The following PPP2R1A variants were observed in gnomAD, a reference collection of about 807,000 sequenced individuals.
PPP2R1A encodes the protein serine/threonine-protein phosphatase 2A 65 kDa regulatory subunit A alpha isoform.
PPP2R1A carries 15 observed loss-of-function variants against 67.1 expected under a neutral mutation model. The ratio of observed to expected loss-of-function variants is 0.22; its 90% confidence interval spans 0.15 to 0.34. The LOEUF (loss-of-function observed/expected upper bound fraction) is 0.34. Ranked by LOEUF, PPP2R1A falls within the 10% of genes least tolerant of loss-of-function variation. The pLI is 1.00. For synonymous variants in PPP2R1A, 337 were observed against 325.0 expected (o/e 1.04, Z -0.40); for missense variants, 369 against 775.0 (o/e 0.48, Z 6.22).
chr19:52,220,632 A>G (rs1978858418), intron 11 of PPP2R1A, among the ~76,000 whole-genome samples: 1 of 152,136 alleles, frequency 6.6e-6, no homozygotes, highest in Admixed American at 6.5e-5. Context: ...CATTGTTTAC[A>G]CTAAGAGAGG....
In PPP2R1A at chr19:52,226,255, C is replaced by G. The variant is rs1221260389; in HGVS notation, c.*274C>G. On this transcript the variant is annotated 3_prime_UTR_variant, in exon 15 of 15. Transcript: ENST00000322088. ...CACGTCAGGGAGAGATGTGAGCATC[C>G]CGGGTCACTGGATCCTGCTGCTGTA... The G allele has an allele frequency of 2.0e-6, 1 of 508,140 alleles. No homozygotes were observed. Among genetic ancestry groups the G allele is most frequent in the Non-Finnish European group, 3.5e-6 (1 of 287,626 alleles). 31.5% of individuals were successfully genotyped at this position (508,140 alleles called of 1,614,324 possible).
chr19:52,215,683 C>G (rs1978523163), intron 6 of PPP2R1A, 96 bp from the exon 7 acceptor site: 3 of 985,396 alleles, frequency 3.0e-6, no homozygotes, highest in African/African-American at 3.2e-5. Context: ...ACGCTCTGTC[C>G]CCTAATTCTG....
chr19:52,190,523 G>A (rs991859766), intron 1 of PPP2R1A, among the ~76,000 whole-genome samples: 2 of 152,240 alleles, frequency 1.3e-5, no homozygotes, highest in African/African-American at 4.8e-5. Context: ...ATGGCCTCTT[G>A]GGGATGTGGG....
chr19:52,226,284 G>A lies in PPP2R1A; in HGVS notation c.*303G>A. The A allele has an allele frequency of 2.2e-6, 1 of 460,822 alleles. No individual in the cohort carries two copies. 28.5% of individuals were successfully genotyped at this position (460,822 alleles called of 1,614,324 possible). A position where few individuals can be genotyped will look rare whatever the true frequency, so the allele number is the denominator to read the frequency against. On this transcript the variant is annotated 3_prime_UTR_variant, in exon 15 of 15. Coordinates refer to ENST00000322088, the MANE Select transcript of PPP2R1A (RefSeq NM_014225.6). ...GTCACTGGATCCTGCTGCTGTAATG[G>A]GAACCCCTCCCCCATTTACTTCTCC...
At chr19:52,210,487 T>C (rs926458219) in intron 3 of PPP2R1A, among the ~76,000 whole-genome samples, 6 of 133,514 alleles carry the variant, frequency 4.5e-5, no homozygotes, top group East Asian at 2.0e-4. Flanking sequence ...TTCTCTTCTT[T>C]TTTTTTTTTT....
intron 2 of PPP2R1A, among the ~76,000 whole-genome samples, chr19:52,202,847 T>C (rs1159566068): frequency 6.6e-6 from 1 of 152,230 alleles, no homozygotes; most frequent in Non-Finnish European, 1.5e-5. Flanking sequence ...CTAAATAAGA[T>C]ACTGTAAAGT....
chr19:52,205,188 G>A (rs2089589715), intron 2 of PPP2R1A, among the ~76,000 whole-genome samples: 1 of 152,202 alleles, frequency 6.6e-6, no homozygotes, highest in Non-Finnish European at 1.5e-5. Flanking sequence ...TAGATGCCAG[G>A]GATATTAGCA....
intron 6 of PPP2R1A, among the ~76,000 whole-genome samples, chr19:52,215,299 C>A (rs1235461691): frequency 6.6e-6 from 1 of 152,186 alleles, no homozygotes; most frequent in Admixed American, 6.5e-5. Flanking sequence ...CTCAAGCGAT[C>A]TGTCCACCTC....
At chr19:52,196,157 T>C (rs62109204) in intron 1 of PPP2R1A, among the ~76,000 whole-genome samples, 1 of 152,098 alleles carries the variant, frequency 6.6e-6, no homozygotes, top group East Asian at 1.9e-4. Context: ...TAGCAGGTGC[T>C]TGGTGGGGAC....
chr19:52,190,407 C>G, intron 1 of PPP2R1A: 1 of 586,416 alleles, frequency 1.7e-6, no homozygotes, highest in South Asian at 2.0e-5. Context: ...CCGGGCCTGC[C>G]CTGTGCGCGC....
chr19:52,215,246 C>G (rs571379703), intron 6 of PPP2R1A, among the ~76,000 whole-genome samples: 1 of 152,048 alleles, frequency 6.6e-6, no homozygotes, highest in East Asian at 1.9e-4. Context: ...TTTGTAGAGT[C>G]AGGGTTTCAC....
Position 52,222,182 on chromosome 19 carries a change from C to T in PPP2R1A, c.1602C>T (p.Ala534=). The change falls in exon 13 of 15, where the codon GCC becomes GCT. Residue 534 remains alanine (A), a synonymous_variant. Coordinates refer to ENST00000322088, the MANE Select transcript of PPP2R1A (RefSeq NM_014225.6). ...TVLRMAGDPV[A]NVRFNVAKSL... ...TGCGCATGGCTGGGGACCCGGTTGCCAATGTCCGCTTCAATGTGGCCAAGT... is the reference window on the plus strand; with the variant it reads ...TGCGCATGGCTGGGGACCCGGTTGCTAATGTCCGCTTCAATGTGGCCAAGT... 1 of 1,614,190 alleles carries T rather than the reference C, an allele frequency of 6.2e-7. No homozygotes were observed. The highest frequency in any genetic ancestry group is 8.5e-7 in the Non-Finnish European group (1 of 1,180,028).
chr19:52,205,325 C>A (rs2089590983), intron 2 of PPP2R1A, among the ~76,000 whole-genome samples: 1 of 152,152 alleles, frequency 6.6e-6, no homozygotes, highest in Non-Finnish European at 1.5e-5. Context: ...TTCATTCTTT[C>A]AGCAAACCTG....
intron 2 of PPP2R1A, 115 bp downstream of exon 2, chr19:52,202,149 A>C (rs1240341451): frequency 1.1e-6 from 1 of 883,698 alleles, no homozygotes; most frequent in East Asian, 2.6e-5. Flanking sequence ...GCCCTGTGTT[A>C]GACACTATGG....
rs530052807 is a variant in PPP2R1A, at chr19:52,219,141, A to G, written c.1129-550A>G. ...ACATGTTCAGCAGCTTGAGGCTCAC[A>G]CAGCAAGGGCTGGAGCTGGGCAAGG... On this transcript the variant is annotated intron_variant, in intron 9 of 14. Transcript: ENST00000322088. The surrounding 1 kb of genome is among the most constrained non-coding windows in gnomAD (Gnocchi z 4.0). 6.6e-6 allele frequency among the ~76,000 whole-genome samples: 1 copy of G among 152,342 alleles called. No individual in the cohort carries two copies. Among genetic ancestry groups the G allele is most frequent in the East Asian group, 1.9e-4 (1 of 5,182 alleles).
Position 52,228,151 on chromosome 19 carries a change from C to T in PPP2R1A, c.*2170C>T, listed in dbSNP as rs1442579078. ...ATTGGACATGTGTATGTAGACAAGG[C>T]TCAGGGATATGTTGAGGCTGCTAGA... On this transcript the variant is annotated 3_prime_UTR_variant, in exon 15 of 15. Transcript: ENST00000322088. 1 of 152,164 alleles carries T rather than the reference C, an allele frequency of 6.6e-6. No homozygotes were observed. The highest frequency in any genetic ancestry group is 1.5e-5 in the Non-Finnish European group (1 of 68,086). 9.4% of individuals were successfully genotyped at this position (152,164 alleles called of 1,614,324 possible).
At chr19:52,206,751 C>T (rs555000258) in intron 3 of PPP2R1A, among the ~76,000 whole-genome samples, 1 of 152,294 alleles carries the variant, frequency 6.6e-6, no homozygotes, top group East Asian at 1.9e-4. Flanking sequence ...CAGATCCCAA[C>T]AAGCAGCGTT....
At position 52,191,509 on chromosome 19, in the gene PPP2R1A, A is replaced by T. The variant is rs558757930; in HGVS notation, c.78+1335A>T. On this transcript the variant is annotated intron_variant, in intron 1 of 14. Coordinates refer to ENST00000322088, the MANE Select transcript of PPP2R1A (RefSeq NM_014225.6). ...TCTGTTTTCCCATTTATAAAATTGG[A>T]CAAGGTGCACTGGGTAACCTGCCAA... 9 of 152,312 alleles carry T rather than the reference A, an allele frequency of 5.9e-5. No individual in the cohort carries two copies. The South Asian group carries it at 1.9e-3, about 32-fold the overall frequency. 9.4% of individuals were successfully genotyped at this position (152,312 alleles called of 1,614,324 possible). A position where few individuals can be genotyped will look rare whatever the true frequency, so the allele number is the denominator to read the frequency against.
At chr19:52,194,756 A>G (rs2089483325) in intron 1 of PPP2R1A, among the ~76,000 whole-genome samples, 1 of 152,160 alleles carries the variant, frequency 6.6e-6, no homozygotes, top group African/African-American at 2.4e-5. Flanking sequence ...CTCATCTGCA[A>G]AATGGGGATA....
Sources: allele counts gnomAD v4.1 joint callset (sites outside exome capture counted in the v4.1 genomes callset), GRCh38; gene constraint gnomAD v4.1.1; non-coding constraint Gnocchi (gnomAD v3.1); transcripts MANE v1.5; gene names NCBI Gene and HGNC (gene_info 2026-07-23, HGNC 2026-07-21).